The following SYNPR variants were observed in gnomAD, a reference collection of about 807,000 sequenced individuals.
SYNPR encodes synaptoporin.
SYNPR carries 23 observed loss-of-function variants against 32.9 expected under a neutral mutation model. The observed-to-expected ratio is 0.70, with a 90% CI of 0.50 to 0.99. The LOEUF (loss-of-function observed/expected upper bound fraction) is 0.99. SYNPR is among the 50% of genes least tolerant of loss of function. The probability of loss-of-function intolerance (pLI) is 0.00; values close to 1 mark genes in which losing one functional copy is unlikely to be tolerated. For missense variants in SYNPR, 318 were observed against 349.3 expected (o/e 0.91, Z 0.71); for synonymous variants, 146 against 135.9 (o/e 1.07, Z -0.52).
At chr3:63,534,005 A>G (rs913779869) in intron 3 of SYNPR, among the ~76,000 whole-genome samples, 2 of 152,166 alleles carry the variant, frequency 1.3e-5, no homozygotes, top group African/African-American at 2.4e-5. Flanking sequence ...TTTAAGGACC[A>G]GAACACTCTT....
At chr3:63,238,510 A>T (rs542520338) in intron 1 of SYNPR, among the ~76,000 whole-genome samples, 5 of 152,016 alleles carry the variant, frequency 3.3e-5, no homozygotes, top group Non-Finnish European at 7.4e-5. Context: ...TTTTGGAATG[A>T]CTTTTAGACA....
intron 3 of SYNPR, among the ~76,000 whole-genome samples, chr3:63,494,464 TATACAC>T (rs1374467492): frequency 0.027 from 2,338 of 86,786 alleles, 63 homozygotes; most frequent in East Asian, 0.049. Context: ...TATATACATA[TATACAC>T]ATATATACAT....
upstream of SYNPR, among the ~76,000 whole-genome samples, chr3:63,223,827 T>C (rs1219868871): frequency 6.6e-6 from 1 of 152,190 alleles, no homozygotes; most frequent in African/African-American, 2.4e-5. Flanking sequence ...TATACAATGG[T>C]TTTCCTCCAC....
intron 2 of SYNPR, chr3:63,289,260 A>G (rs1050695962): frequency 6.6e-6 from 1 of 152,214 alleles, no homozygotes; most frequent in Non-Finnish European, 1.5e-5. Context: ...TTATTTCTCC[A>G]TTGGAAGAAT....
intron 2 of SYNPR, among the ~76,000 whole-genome samples, chr3:63,469,560 T>A (rs1700758065): frequency 6.6e-6 from 1 of 152,230 alleles, no homozygotes; most frequent in South Asian, 2.1e-4. Flanking sequence ...TCTAATCAGG[T>A]GTCAGAGAAA....
the SYNPR span, among the ~76,000 whole-genome samples, chr3:63,223,221 C>G: frequency 6.6e-6 from 1 of 151,866 alleles, no homozygotes; most frequent in African/African-American, 2.4e-5. Context: ...ACAAAGTTTA[C>G]TCTTCTCTGG....
intron 3 of SYNPR, among the ~76,000 whole-genome samples, chr3:63,542,985 TAAGGACCACA>T (rs931791932): frequency 1.2e-4 from 19 of 152,222 alleles, no homozygotes; most frequent in African/African-American, 4.6e-4. Context: ...TTTAAATGAT[TAAGGACCACA>T]AAGAGCTTTT....
At chr3:63,611,896 T>C (rs1700204968) in intron 5 of SYNPR, among the ~76,000 whole-genome samples, 1 of 152,110 alleles carries the variant, frequency 6.6e-6, no homozygotes, top group Admixed American at 6.6e-5. Flanking sequence ...GATGATGTAG[T>C]AGAAACGTGA....
Position 63,485,356 on chromosome 3 carries a change from A to C in SYNPR, c.209+4400A>C, listed in dbSNP as rs1346220071. The stretch of plus-strand genomic sequence containing the variant: ...CATGTATCCCAGAATTTAAAGTAAA[A>C]TAAATAAAAACAGAAATAAAATAAA... On this transcript the variant is annotated intron_variant, in intron 3 of 5. Transcript: ENST00000478300. 2.6e-5 allele frequency among the ~76,000 whole-genome samples: 4 copies of C among 152,210 alleles called. No individual in the cohort carries two copies. In the East Asian group the frequency reaches 7.7e-4, roughly 29 times the overall value.
At chr3:63,439,283 T>C (rs934165903) in intron 2 of SYNPR, among the ~76,000 whole-genome samples, 1 of 152,256 alleles carries the variant, frequency 6.6e-6, no homozygotes, top group Non-Finnish European at 1.5e-5. Context: ...TCTCTATAAA[T>C]ACTTGACTTA....
At chr3:63,260,790 C>T (rs1185248429) in intron 2 of SYNPR, among the ~76,000 whole-genome samples, 2 of 151,386 alleles carry the variant, frequency 1.3e-5, no homozygotes, top group African/African-American at 4.9e-5. Flanking sequence ...AGGCAACCTA[C>T]AGAATGGGAG....
chr3:63,444,966 A>AT (rs1700247356), intron 2 of SYNPR, among the ~76,000 whole-genome samples: 1 of 151,468 alleles, frequency 6.6e-6, no homozygotes, highest in African/African-American at 2.4e-5. Context: ...AAAAAACAAA[A>AT]CAAAACACAA....
At chr3:63,436,709 G>A (rs940850509) in intron 2 of SYNPR, among the ~76,000 whole-genome samples, 1 of 152,098 alleles carries the variant, frequency 6.6e-6, no homozygotes, top group African/African-American at 2.4e-5. Context: ...AACTCTTCAT[G>A]GACCCAATCC....
chr3:63,561,761 G>GATAA (rs761349726), intron 4 of SYNPR, among the ~76,000 whole-genome samples: 2 of 152,072 alleles, frequency 1.3e-5, no homozygotes, highest in Non-Finnish European at 2.9e-5. Flanking sequence ...AAATGGCCAG[G>GATAA]ATAAATGTGT....
chr3:63,426,229 C>T (rs1699890723), intron 2 of SYNPR, among the ~76,000 whole-genome samples: 1 of 152,162 alleles, frequency 6.6e-6, no homozygotes, highest in South Asian at 2.1e-4. Flanking sequence ...AGTGGGGAAG[C>T]ATTCAAACCC....
At chr3:63,305,705 G>GGT (rs1222617897) in intron 2 of SYNPR, among the ~76,000 whole-genome samples, 1 of 151,918 alleles carries the variant, frequency 6.6e-6, no homozygotes, top group African/African-American at 2.4e-5. Context: ...TTGAGATGCA[G>GGT]GTGTCCTACC....
At chr3:63,218,817 A>G in the SYNPR span, among the ~76,000 whole-genome samples, 1 of 152,192 alleles carries the variant, frequency 6.6e-6, no homozygotes, top group Non-Finnish European at 1.5e-5. Context: ...GAGGGCTGAA[A>G]GATATTATGT....
intron 2 of SYNPR, among the ~76,000 whole-genome samples, chr3:63,433,655 C>G (rs370001562): frequency 7.2e-5 from 11 of 152,126 alleles, no homozygotes; most frequent in Non-Finnish European, 1.3e-4. Context: ...CACCACTGCC[C>G]CATCGGATAC....
chr3:63,269,129 C>T lies in SYNPR; in HGVS notation n.287+1680C>T, dbSNP rs141286926. ...AATAAAAAAATTATTCTCACAAATG[C>T]TTGACCATGGAAAGGTGGGTGTGGG... On this transcript the variant is annotated intron_variant and non_coding_transcript_variant, in intron 3 of 4. Transcript: ENST00000478456. Among the ~76,000 whole-genome samples, 54 of 152,236 alleles carry T rather than the reference C, an allele frequency of 3.5e-4. No individual in the cohort carries two copies. The East Asian group carries it at 9.7e-3, about 27-fold the overall frequency.
Sources: allele counts gnomAD v4.1 joint callset (sites outside exome capture counted in the v4.1 genomes callset), GRCh38; gene constraint gnomAD v4.1.1; transcripts MANE v1.5; gene names NCBI Gene and HGNC (gene_info 2026-07-23, HGNC 2026-07-21).